The following LRFN5 variants were observed in gnomAD, a reference collection of about 807,000 sequenced individuals.
LRFN5 encodes the protein leucine-rich repeat and fibronectin type-III domain-containing protein 5.
LRFN5 carries 24 observed loss-of-function variants against 45.6 expected under a neutral mutation model. The observed-to-expected ratio is 0.53, with a 90% CI of 0.38 to 0.74. The LOEUF (loss-of-function observed/expected upper bound fraction) is 0.74. Among genes scored for constraint, LRFN5 ranks in the 30% least tolerant of loss-of-function variants. The pLI is 0.00. For missense variants in LRFN5, 776 were observed against 861.5 expected (o/e 0.90, Z 1.24); for synonymous variants, 340 against 313.8 (o/e 1.08, Z -0.88).
At chr14:41,679,352 A>G (rs1304644814) in intron 1 of LRFN5, among the ~76,000 whole-genome samples, 2 of 151,978 alleles carry the variant, frequency 1.3e-5, no homozygotes, top group Admixed American at 1.3e-4. Flanking sequence ...AGACTCCTTC[A>G]TTCTGCTTGA....
chr14:41,814,070 C>A (rs183657958), intron 2 of LRFN5, among the ~76,000 whole-genome samples: 60 of 144,910 alleles, frequency 4.1e-4, no homozygotes, highest in Middle Eastern at 3.6e-3. Context: ...AGCCCTTTGT[C>A]AGATGGACAG....
chr14:41,844,392 T>G (rs574760175), intron 2 of LRFN5, among the ~76,000 whole-genome samples: 188 of 150,900 alleles, frequency 1.2e-3, no homozygotes, highest in Non-Finnish European at 2.0e-3. Flanking sequence ...AGCGGAGATC[T>G]TGCCACCACA....
At chr14:41,849,702 G>A (rs1001303386) in intron 2 of LRFN5, among the ~76,000 whole-genome samples, 3 of 151,958 alleles carry the variant, frequency 2.0e-5, no homozygotes, top group Non-Finnish European at 2.9e-5. Context: ...GTGGTTTACT[G>A]CATGCATGGT....
chr14:41,770,201 C>T (rs1237132217), intron 2 of LRFN5, among the ~76,000 whole-genome samples: 8 of 152,166 alleles, frequency 5.3e-5, no homozygotes, highest in South Asian at 4.1e-4. Context: ...TGATCTAATA[C>T]GTCTCACTAG....
At chr14:41,738,130 A>G (rs1185896055) in intron 1 of LRFN5, among the ~76,000 whole-genome samples, 3 of 152,228 alleles carry the variant, frequency 2.0e-5, no homozygotes, top group African/African-American at 7.2e-5. Context: ...ACAGCATGGT[A>G]CTGGTAGCAA....
chr14:41,781,660 AGAAAG>A, intron 2 of LRFN5, among the ~76,000 whole-genome samples: 1 of 151,108 alleles, frequency 6.6e-6, no homozygotes, highest in African/African-American at 2.4e-5. Context: ...AAAGAAAGAA[AGAAAG>A]GAAAGAAAGA....
At chr14:41,650,203 G>T (rs1045185840) in intron 1 of LRFN5, among the ~76,000 whole-genome samples, 6 of 145,084 alleles carry the variant, frequency 4.1e-5, no homozygotes, top group Non-Finnish European at 7.4e-5. Flanking sequence ...AGACCAGCCT[G>T]GCCAACATAG....
intron 2 of LRFN5, among the ~76,000 whole-genome samples, chr14:41,837,633 G>A (rs1047331880): frequency 5.9e-5 from 9 of 152,086 alleles, no homozygotes; most frequent in Non-Finnish European, 1.2e-4. Context: ...AGATGGAGAA[G>A]GTAGGCCAGC....
At chr14:41,708,896 A>C (rs1439519041) in intron 1 of LRFN5, among the ~76,000 whole-genome samples, 2 of 151,990 alleles carry the variant, frequency 1.3e-5, no homozygotes, top group African/African-American at 4.8e-5. Context: ...TTATCTTAAG[A>C]ATTGAGCTTT....
At chr14:41,727,017 T>G (rs1241436673) in intron 1 of LRFN5, among the ~76,000 whole-genome samples, 1 of 152,222 alleles carries the variant, frequency 6.6e-6, no homozygotes, top group Non-Finnish European at 1.5e-5. Flanking sequence ...AACATCTTGG[T>G]GTTTTATGAA....
At chr14:41,764,077 A>T (rs540188131) in intron 1 of LRFN5, among the ~76,000 whole-genome samples, 1 of 152,306 alleles carries the variant, frequency 6.6e-6, no homozygotes, top group Non-Finnish European at 1.5e-5. Context: ...TTAGAATCTC[A>T]AATCTGAATT....
intron 1 of LRFN5, among the ~76,000 whole-genome samples, chr14:41,734,024 C>CTTTTTTTTTT (rs1241948731): frequency 1.1e-4 from 13 of 115,532 alleles, no homozygotes; most frequent in Non-Finnish European, 1.6e-4. Context: ...CTTTTCTTTT[C>CTTTTTTTTTT]TTTTCTTTTT....
chr14:41,886,455 C>T (rs1890575082), intron 2 of LRFN5, among the ~76,000 whole-genome samples, 151 bp from the exon 3 acceptor site: 1 of 152,122 alleles, frequency 6.6e-6, no homozygotes, highest in South Asian at 2.1e-4. Flanking sequence ...CCATTATAGC[C>T]TTTACTACAG....
At chr14:41,671,261 A>T (rs1184856033) in intron 1 of LRFN5, among the ~76,000 whole-genome samples, 1 of 152,186 alleles carries the variant, frequency 6.6e-6, no homozygotes, top group African/African-American at 2.4e-5. Flanking sequence ...ATATGGACTT[A>T]TCTTCCTAAA....
intron 2 of LRFN5, among the ~76,000 whole-genome samples, chr14:41,867,538 A>G (rs901620302): frequency 1.3e-5 from 2 of 152,058 alleles, no homozygotes; most frequent in South Asian, 2.1e-4. Flanking sequence ...CAGACTGCCA[A>G]TTAAGTTTTG....
chr14:41,863,105 C>T (rs1266399663), intron 2 of LRFN5, among the ~76,000 whole-genome samples: 1 of 152,110 alleles, frequency 6.6e-6, no homozygotes, highest in East Asian at 1.9e-4. Context: ...ACCTTGTGAT[C>T]CGCCCGCCTC....
chr14:41,804,109 C>T (rs141069884), intron 2 of LRFN5, among the ~76,000 whole-genome samples: 1 of 152,206 alleles, frequency 6.6e-6, no homozygotes, highest in East Asian at 1.9e-4. Flanking sequence ...AGTGATCCGC[C>T]CAAAGCCTCT....
chr14:41,813,415 AC>A (rs1321090204), intron 2 of LRFN5, among the ~76,000 whole-genome samples: 1 of 151,642 alleles, frequency 6.6e-6, no homozygotes, highest in African/African-American at 2.4e-5. Flanking sequence ...TCATTGTTCA[AC>A]TCCCACTTAT....
intron 1 of LRFN5, among the ~76,000 whole-genome samples, chr14:41,610,340 A>G (rs1203293392): frequency 6.6e-6 from 1 of 152,210 alleles, no homozygotes; most frequent in Non-Finnish European, 1.5e-5. Flanking sequence ...CAAATACTGC[A>G]TGATTTATCA....
Sources: allele counts gnomAD v4.1 joint callset (sites outside exome capture counted in the v4.1 genomes callset), GRCh38; gene constraint gnomAD v4.1.1; transcripts MANE v1.5; gene names NCBI Gene and HGNC (gene_info 2026-07-23, HGNC 2026-07-21).